The following TENM3 variants were observed in gnomAD, a reference collection of about 807,000 sequenced individuals.
TENM3 encodes teneurin-3.
In TENM3, 63 loss-of-function variants were observed where a neutral mutation model predicts 255.1. That is an observed-to-expected ratio of 0.25 (90% CI 0.20 to 0.30). The LOEUF is 0.30. Ranked by LOEUF, TENM3 falls within the 10% of genes least tolerant of loss-of-function variation. The pLI is 1.00. For missense variants in TENM3, 2,929 were observed against 3,461.1 expected (o/e 0.85, Z 3.86); for synonymous variants, 1,306 against 1,322.3 (o/e 0.99, Z 0.27).
chr4:181,601,092 C>A, the TENM3 span, among the ~76,000 whole-genome samples: 34 of 152,140 alleles, frequency 2.2e-4, no homozygotes, highest in Admixed American at 9.2e-4. Context: ...CGGTGCACAT[C>A]GGCAAGAATT....
chr4:181,669,640 C>T, the TENM3 span, among the ~76,000 whole-genome samples: 1 of 152,122 alleles, frequency 6.6e-6, no homozygotes, highest in Non-Finnish European at 1.5e-5. Context: ...CCAGATACCC[C>T]CAGCGTATCA....
the TENM3 span, among the ~76,000 whole-genome samples, chr4:181,734,784 G>T: frequency 6.6e-6 from 1 of 152,150 alleles, no homozygotes; most frequent in Non-Finnish European, 1.5e-5. Context: ...TCTTGGTAAG[G>T]AGTGAAAATG....
At chr4:182,085,717 A>G in the TENM3 span, among the ~76,000 whole-genome samples, 1 of 152,228 alleles carries the variant, frequency 6.6e-6, no homozygotes, top group Admixed American at 6.5e-5. Flanking sequence ...ATTTAAAGAT[A>G]GCTGAATGCC....
At chr4:181,480,657 T>G in the TENM3 span, among the ~76,000 whole-genome samples, 353 of 151,882 alleles carry the variant, frequency 2.3e-3, 3 homozygotes, top group Admixed American at 3.4e-3. Flanking sequence ...AAGCTTTGTA[T>G]ATATGGAGAT....
the TENM3 span, among the ~76,000 whole-genome samples, chr4:182,066,522 C>A: frequency 6.6e-6 from 1 of 151,368 alleles, no homozygotes; most frequent in African/African-American, 2.4e-5. Flanking sequence ...TAAAAAAATT[C>A]TTGATTCTCT....
At chr4:181,699,442 CAAAAAAAAAAA>C in the TENM3 span, among the ~76,000 whole-genome samples, 703 of 44,096 alleles carry the variant, frequency 0.016, 7 homozygotes, top group African/African-American at 0.051. Flanking sequence ...GACCCTGTCG[CAAAAAAAAAAA>C]AAAAAAAAAA....
chr4:181,617,480 G>C, the TENM3 span, among the ~76,000 whole-genome samples: 1 of 152,264 alleles, frequency 6.6e-6, no homozygotes, highest in East Asian at 1.9e-4. Flanking sequence ...AGAGCTGCAG[G>C]ATGCTTCCCT....
chr4:182,768,125 G>A (rs1010487513), intron 22 of TENM3, among the ~76,000 whole-genome samples: 2 of 152,188 alleles, frequency 1.3e-5, no homozygotes, highest in African/African-American at 4.8e-5. Flanking sequence ...CTCCGCAAAA[G>A]AGCCCACCTC....
chr4:182,098,728 T>C, the TENM3 span, among the ~76,000 whole-genome samples: 1 of 152,160 alleles, frequency 6.6e-6, no homozygotes, highest in Non-Finnish European at 1.5e-5. Context: ...AAAATTCAGC[T>C]AAATGGAAGG....
chr4:181,936,121 G>T, the TENM3 span, among the ~76,000 whole-genome samples: 2 of 152,188 alleles, frequency 1.3e-5, no homozygotes, highest in African/African-American at 2.4e-5. Context: ...GCTGGATGCA[G>T]TGGCTCACAC....
chr4:181,599,186 C>T, the TENM3 span, among the ~76,000 whole-genome samples: 1 of 152,292 alleles, frequency 6.6e-6, no homozygotes, highest in South Asian at 2.1e-4. Context: ...AAAGGAACCA[C>T]ATTGAGCAGA....
intron 3 of TENM3, among the ~76,000 whole-genome samples, chr4:182,427,993 A>G (rs1446558978): frequency 1.3e-5 from 2 of 152,092 alleles, no homozygotes; most frequent in Non-Finnish European, 2.9e-5. Flanking sequence ...TTCCCACAAA[A>G]GGAAAATGTG....
At chr4:181,755,360 T>A in the TENM3 span, among the ~76,000 whole-genome samples, 1 of 152,192 alleles carries the variant, frequency 6.6e-6, no homozygotes, top group East Asian at 1.9e-4. Flanking sequence ...TACTCACTTT[T>A]TTTTTACTTA....
intron 5 of TENM3, among the ~76,000 whole-genome samples, chr4:182,640,957 C>A (rs148841604): frequency 3.9e-5 from 6 of 152,254 alleles, no homozygotes; most frequent in African/African-American, 1.4e-4. Flanking sequence ...TCCAAATAAC[C>A]CTTACCTACA....
chr4:181,867,400 C>T, the TENM3 span, among the ~76,000 whole-genome samples: 1 of 152,138 alleles, frequency 6.6e-6, no homozygotes, highest in Non-Finnish European at 1.5e-5. Context: ...CATTTAGGCC[C>T]CACCTCCTCC....
chr4:182,140,870 GA>G (rs1322925476), upstream of TENM3, among the ~76,000 whole-genome samples: 1 of 152,212 alleles, frequency 6.6e-6, no homozygotes, highest in Non-Finnish European at 1.5e-5. Context: ...GCTGAGACTT[GA>G]CCCGCGGGGA....
intron 12 of TENM3, among the ~76,000 whole-genome samples, chr4:182,712,457 A>C (rs1758818828): frequency 6.6e-6 from 1 of 152,040 alleles, no homozygotes; most frequent in Admixed American, 6.5e-5. Flanking sequence ...AAACACATCC[A>C]TAAGGAAGAT....
chr4:181,885,540 G>A, the TENM3 span, among the ~76,000 whole-genome samples: 1 of 151,942 alleles, frequency 6.6e-6, no homozygotes, highest in Non-Finnish European at 1.5e-5. Flanking sequence ...GAATTACAGG[G>A]GTGAGCCACC....
At chr4:181,559,388 CTA>C in the TENM3 span, among the ~76,000 whole-genome samples, 1 of 152,216 alleles carries the variant, frequency 6.6e-6, no homozygotes, top group East Asian at 1.9e-4. Flanking sequence ...TTGTAATTTT[CTA>C]TGAGATTTTA....
Sources: gnomAD v4.1 joint callset for allele counts (sites outside exome capture counted in the v4.1 genomes callset) on GRCh38, gnomAD v4.1.1 for gene constraint, MANE v1.5 for transcripts, NCBI Gene and HGNC (gene_info 2026-07-23, HGNC 2026-07-21) for gene names.